Variants in NIPSNAP2 observed in about 807,000 individuals in gnomAD.
NIPSNAP2 encodes nipsnap homolog 2.
Under a neutral mutation model 48.4 loss-of-function variants are expected in NIPSNAP2, and 42 were observed. That is an observed-to-expected ratio of 0.87 (90% CI 0.68 to 1.12). The LOEUF is 1.12. Among genes scored for constraint, NIPSNAP2 ranks in the 50% most tolerant of loss-of-function variants. The pLI is 0.00. For missense variants in NIPSNAP2, 314 were observed against 347.3 expected (o/e 0.90, Z 0.76); for synonymous variants, 158 against 126.6 (o/e 1.25, Z -1.67).
chr7:55,997,256 T>A, intron 8 of NIPSNAP2, 110 bp from the exon 9 acceptor site: 2 of 763,350 alleles, frequency 2.6e-6, no homozygotes, highest in Non-Finnish European at 4.6e-6. Flanking sequence ...ACACCTGAAG[T>A]AGTCCCTGAG....
intron 1 of NIPSNAP2, among the ~76,000 whole-genome samples, chr7:55,973,483 T>C (rs1033342209): frequency 1.4e-4 from 22 of 152,024 alleles, no homozygotes; most frequent in African/African-American, 5.1e-4. Flanking sequence ...TTTATTATTA[T>C]TACTTTTTTT....
chr7:55,969,710 G>A lies in NIPSNAP2; in HGVS notation c.92+5009G>A, dbSNP rs544052486. Among the ~76,000 whole-genome samples, 33 of 152,260 alleles carry A rather than the reference G, an allele frequency of 2.2e-4. 2 individuals are homozygous for A. The South Asian group carries it at 4.8e-3, about 22-fold the overall frequency. ...AATAACAGTGATCATATTGCCGGGC[G>A]CGGTGGCTCACGCCTGTAATCCCAG... is the stretch of plus-strand genomic sequence containing the variant. On this transcript the variant is annotated intron_variant, in intron 1 of 9. Coordinates refer to ENST00000322090, the MANE Select transcript of NIPSNAP2 (RefSeq NM_001483.3).
At chr7:55,972,449 T>C (rs1297855729) in intron 1 of NIPSNAP2, among the ~76,000 whole-genome samples, 1 of 151,222 alleles carries the variant, frequency 6.6e-6, no homozygotes, top group East Asian at 1.9e-4. Context: ...TTTTTTTTTT[T>C]GAGACAGAGT....
At position 55,974,498 on chromosome 7, in the gene NIPSNAP2, A is replaced by G. The variant is rs2116338134; in HGVS notation, c.93-3628A>G. Among the ~76,000 whole-genome samples, 2 of 151,694 alleles carry G rather than the reference A, an allele frequency of 1.3e-5. 1 individual carries two copies. The highest frequency in any genetic ancestry group is 4.2e-4 in the South Asian group (2 of 4,810). On this transcript the variant is annotated intron_variant, in intron 1 of 9. Transcript: ENST00000322090. ...TGGAGTTGCTCTTTCTTTTCCTCTT[A>G]ATGTTTACCTGGTGGTATCTGGGTG...
At chr7:55,983,914 A>C in intron 6 of NIPSNAP2, 46 bp downstream of exon 6, 1 of 1,578,568 alleles carries the variant, frequency 6.3e-7, no homozygotes, top group South Asian at 1.1e-5. Context: ...TCTGTGAAAA[A>C]GCACAAGCAT....
At chr7:55,974,575 G>A (rs1382707151) in intron 1 of NIPSNAP2, among the ~76,000 whole-genome samples, 8 of 152,048 alleles carry the variant, frequency 5.3e-5, no homozygotes, top group South Asian at 2.1e-4. Flanking sequence ...AAGGCTGGGC[G>A]CAGTGGCTCA....
intron 3 of NIPSNAP2, chr7:55,980,996 CCTGCTGGTA>C (rs1193151996): frequency 6.6e-6 from 1 of 152,490 alleles, no homozygotes; most frequent in East Asian, 1.9e-4. Flanking sequence ...GTTACCTCTG[CCTGCTGGTA>C]CTGCTTGTGT....
At chr7:55,985,030 A>G (rs1307975066) in intron 7 of NIPSNAP2, 152 bp downstream of exon 7, 2 of 594,064 alleles carry the variant, frequency 3.4e-6, no homozygotes, top group Non-Finnish European at 5.8e-6. Flanking sequence ...GAGATTTTTC[A>G]AACATACAAA....
intron 1 of NIPSNAP2, among the ~76,000 whole-genome samples, chr7:55,970,649 A>C (rs140026650): frequency 1.8e-3 from 280 of 151,744 alleles, no homozygotes; most frequent in Non-Finnish European, 3.2e-3. Context: ...ACAGCATCTC[A>C]CCCTACACAG....
In NIPSNAP2 at chr7:55,998,924, A is replaced by G. The variant is rs117664138; in HGVS notation, c.797-84A>G. On this transcript the variant is annotated intron_variant, in intron 9 of 9. Transcript: ENST00000322090. Reference sequence around the variant, plus strand: ...GTTTTCAAGCAGCACATCTGTGAACATTCTCGGCAATCTGTCTGTTAGTGT... The same window carrying G: ...GTTTTCAAGCAGCACATCTGTGAACGTTCTCGGCAATCTGTCTGTTAGTGT... 563 of 1,135,122 alleles carry G rather than the reference A, an allele frequency of 5.0e-4. 2 individuals are homozygous for G. Among genetic ancestry groups the G allele is most frequent in the Admixed American group, 1.7e-3 (101 of 58,588 alleles). 70.3% of individuals were successfully genotyped at this position (1,135,122 alleles called of 1,614,324 possible). A position where few individuals can be genotyped will look rare whatever the true frequency, so the allele number is the denominator to read the frequency against.
Position 55,983,757 on chromosome 7 carries a change from T to G in NIPSNAP2, c.474T>G (p.Ser158Arg). Residue 158 changes from serine to arginine, a missense_variant, in exon 6 of 10, where the codon AGT (serine) becomes AGG (arginine). Ser to Arg is a moderately radical substitution (Grantham distance 110, BLOSUM62 -1). This residue lies in a region of NIPSNAP2 where 198 missense variants were observed against 185.5 expected (regional missense o/e 1.07). Coordinates refer to ENST00000322090, the MANE Select transcript of NIPSNAP2 (RefSeq NM_001483.3). Reference protein sequence around the residue: ...KEFLEFRKARSDMLLSRKNQL... With the variant: ...KEFLEFRKARRDMLLSRKNQL... ...TTTTGGAATTTCGTAAGGCAAGAAG[T>G]GACATGCTTCTCTCCAGGAAGAATC... 1 of 1,614,048 alleles carries G rather than the reference T, an allele frequency of 6.2e-7. No homozygotes were observed. Among genetic ancestry groups the G allele is most frequent in the Non-Finnish European group, 8.5e-7 (1 of 1,179,974 alleles).
At chr7:55,971,519 A>C (rs919045556) in intron 1 of NIPSNAP2, among the ~76,000 whole-genome samples, 1 of 152,136 alleles carries the variant, frequency 6.6e-6, no homozygotes, top group Non-Finnish European at 1.5e-5. Flanking sequence ...GCTGGAGTAC[A>C]GTGCATGATC....
intron 7 of NIPSNAP2, among the ~76,000 whole-genome samples, chr7:55,992,062 A>G (rs1029961767): frequency 6.6e-6 from 1 of 152,254 alleles, no homozygotes; most frequent in African/African-American, 2.4e-5. Flanking sequence ...TTCTGTGAAG[A>G]TATTGATCAC....
intron 4 of NIPSNAP2, 75 bp downstream of exon 4, chr7:55,981,642 A>G: frequency 1.1e-6 from 1 of 941,068 alleles, no homozygotes; most frequent in Non-Finnish European, 1.7e-6. Context: ...TTCTAATTTA[A>G]TGCTTGTTCT....
chr7:55,997,478 T>G, intron 9 of NIPSNAP2, 29 bp downstream of exon 9: 1 of 1,525,558 alleles, frequency 6.6e-7, no homozygotes, highest in Non-Finnish European at 9.1e-7. Flanking sequence ...TGAAATATGC[T>G]TTTTGTCTTA....
chr7:55,988,256 A>C (rs1037659202), intron 7 of NIPSNAP2, among the ~76,000 whole-genome samples: 14 of 151,196 alleles, frequency 9.3e-5, no homozygotes, highest in Non-Finnish European at 1.8e-4. Flanking sequence ...ACCCTGTATC[A>C]AAAAAAAAAT....
At chr7:55,978,613 T>C (rs780185834) in intron 3 of NIPSNAP2, 7 of 538,096 alleles carry the variant, frequency 1.3e-5, no homozygotes, top group Non-Finnish European at 1.6e-5. Context: ...TATCAGACTT[T>C]AGAATGTTAC....
Position 55,999,105 on chromosome 7 carries a change from T to C in NIPSNAP2, c.*33T>C. 3.3e-6 allele frequency: 5 copies of C among 1,519,632 alleles called. No homozygotes were observed. Among genetic ancestry groups the C allele is most frequent in the Non-Finnish European group, 3.6e-6 (4 of 1,101,230 alleles). 94.1% of individuals were successfully genotyped at this position (1,519,632 alleles called of 1,614,324 possible). On this transcript the variant is annotated 3_prime_UTR_variant, in exon 10 of 10. Transcript: ENST00000322090. ...GAGTTTCTATGTGCCTACATACATT[T>C]CTGTGACAAGTATTTGTCGTAAATT...
At chr7:55,982,877 C>T (rs1184667635) in intron 5 of NIPSNAP2, among the ~76,000 whole-genome samples, 1 of 152,080 alleles carries the variant, frequency 6.6e-6, no homozygotes, top group African/African-American at 2.4e-5. Flanking sequence ...AATCCCAGCA[C>T]TTTGGGAGGC....
Sources: allele counts gnomAD v4.1 joint callset (sites outside exome capture counted in the v4.1 genomes callset), GRCh38; gene constraint gnomAD v4.1.1; regional missense constraint gnomAD v4.1.1; transcripts MANE v1.5; gene names NCBI Gene and HGNC (gene_info 2026-07-23, HGNC 2026-07-21).